EIF4G3: variants seen among roughly 807,000 people sequenced by gnomAD.
EIF4G3 encodes eukaryotic translation initiation factor 4 gamma 3.
In EIF4G3, 34 loss-of-function variants were observed where a neutral mutation model predicts 186.4. The ratio of observed to expected loss-of-function variants is 0.18; its 90% CI spans 0.14 to 0.24. EIF4G3 has a LOEUF of 0.24. Ranked by LOEUF, EIF4G3 falls within the 10% of genes least tolerant of loss-of-function variation. The pLI, the probability that EIF4G3 is intolerant of heterozygous loss-of-function variation, is 1.00. For synonymous variants in EIF4G3, 673 were observed against 679.5 expected, an observed-to-expected ratio of 0.99 and a Z score of 0.15; for missense variants, 1,536 against 1,948.5, an observed-to-expected ratio of 0.79 and a Z score of 3.99.
chr1:21,135,341 A>C (rs2097220090), intron 2 of EIF4G3, among the ~76,000 whole-genome samples: 1 of 152,276 alleles, frequency 6.6e-6, no homozygotes, highest in East Asian at 1.9e-4. Flanking sequence ...CTCTACTAAA[A>C]ATACAAAATT....
At chr1:21,139,302 C>G (rs1255596894) in intron 2 of EIF4G3, among the ~76,000 whole-genome samples, 3 of 151,818 alleles carry the variant, frequency 2.0e-5, no homozygotes, top group African/African-American at 7.3e-5. Flanking sequence ...AAAATCTTAA[C>G]AAGAAGGCTG....
intron 3 of EIF4G3, among the ~76,000 whole-genome samples, chr1:21,059,869 G>A (rs960393526): frequency 2.6e-5 from 4 of 152,170 alleles, no homozygotes; most frequent in Non-Finnish European, 5.9e-5. Context: ...AAAAATAAAC[G>A]AATAAGAAAG....
intron 35 of EIF4G3, among the ~76,000 whole-genome samples, chr1:20,812,329 G>C (rs2059406105): frequency 6.6e-6 from 1 of 152,108 alleles, no homozygotes; most frequent in Non-Finnish European, 1.5e-5. Flanking sequence ...TCTTATGATG[G>C]TTCTATGGAT....
At chr1:21,072,644 C>G (rs2095478548) in intron 3 of EIF4G3, among the ~76,000 whole-genome samples, 1 of 152,114 alleles carries the variant, frequency 6.6e-6, no homozygotes, top group Admixed American at 6.5e-5. Flanking sequence ...CCTCGTGACC[C>G]GCCCGCCTCA....
chr1:20,872,296 CTT>C (rs5772921), intron 20 of EIF4G3, among the ~76,000 whole-genome samples: 77,622 of 148,322 alleles, frequency 0.52, 20,799 homozygotes, highest in East Asian at 0.83. Context: ...CTTTTTCACA[CTT>C]TTTTTTTTTT....
At chr1:20,847,727 T>G (rs1323180953) in intron 29 of EIF4G3, 1 of 466,560 alleles carries the variant, frequency 2.1e-6, no homozygotes, top group Non-Finnish European at 4.4e-6. Context: ...TCACAGTACA[T>G]CAGGTTTATT....
chr1:21,060,642 T>C (rs1269592710), intron 3 of EIF4G3, among the ~76,000 whole-genome samples: 2 of 152,146 alleles, frequency 1.3e-5, no homozygotes, highest in Non-Finnish European at 2.9e-5. Context: ...CAGGCCACAG[T>C]GGCTCACATC....
At chr1:21,174,282 T>C (rs970616301) in intron 2 of EIF4G3, among the ~76,000 whole-genome samples, 3 of 152,230 alleles carry the variant, frequency 2.0e-5, no homozygotes, top group African/African-American at 7.2e-5. Flanking sequence ...TTGTAACTAC[T>C]TGAATGTTGC....
chr1:21,081,636 ATTTTTT>A (rs566655576), intron 3 of EIF4G3, among the ~76,000 whole-genome samples: 7 of 122,770 alleles, frequency 5.7e-5, no homozygotes, highest in African/African-American at 1.5e-4. Flanking sequence ...GATGAGTCCA[ATTTTTT>A]TTTTTTTTTT....
At chr1:20,808,696 G>C (rs988637326) in intron 36 of EIF4G3, among the ~76,000 whole-genome samples, 1 of 151,932 alleles carries the variant, frequency 6.6e-6, no homozygotes, top group African/African-American at 2.4e-5. Context: ...AGAACAAGAG[G>C]TGATCATTCA....
chr1:21,158,709 C>T (rs913076765), intron 2 of EIF4G3, among the ~76,000 whole-genome samples: 2 of 151,372 alleles, frequency 1.3e-5, no homozygotes, highest in Admixed American at 6.6e-5. Context: ...TTGAGTCCAA[C>T]GGTGAGTATA....
At chr1:20,809,966 T>C (rs2058906747) in intron 36 of EIF4G3, among the ~76,000 whole-genome samples, 1 of 151,866 alleles carries the variant, frequency 6.6e-6, no homozygotes, top group African/African-American at 2.4e-5. Flanking sequence ...TACAAACATA[T>C]AACAAATTCA....
At chr1:21,092,865 AAT>A in intron 2 of EIF4G3, among the ~76,000 whole-genome samples, 1 of 152,234 alleles carries the variant, frequency 6.6e-6, no homozygotes, top group Non-Finnish European at 1.5e-5. Flanking sequence ...TTCCCTATTT[AAT>A]AAACGGTGCT....
chr1:20,981,331 A>G (rs2077921732), intron 8 of EIF4G3, 104 bp from the exon 9 acceptor site: 1 of 805,242 alleles, frequency 1.2e-6, no homozygotes, highest in African/African-American at 1.7e-5. Flanking sequence ...GGTCAACTTG[A>G]ATTACAAATA....
At chr1:20,811,070 C>T (rs908492262) in intron 35 of EIF4G3, among the ~76,000 whole-genome samples, 186 bp from the exon 36 acceptor site, 5 of 152,152 alleles carry the variant, frequency 3.3e-5, no homozygotes, top group African/African-American at 1.2e-4. Flanking sequence ...CTGTCTCAGC[C>T]TCCCAAGTTG....
intron 4 of EIF4G3, among the ~76,000 whole-genome samples, chr1:21,023,755 C>A (rs1333492004): frequency 6.7e-6 from 1 of 148,962 alleles, no homozygotes; most frequent in Non-Finnish European, 1.5e-5. Flanking sequence ...TGCCTGGCTG[C>A]CCAGTCTGGA....
At chr1:21,130,837 A>C (rs1174528524) in intron 2 of EIF4G3, among the ~76,000 whole-genome samples, 1 of 152,188 alleles carries the variant, frequency 6.6e-6, no homozygotes, top group East Asian at 1.9e-4. Context: ...TAATTTCAGG[A>C]AGAAAAATTA....
intron 10 of EIF4G3, 89 bp downstream of exon 10, chr1:20,980,245 T>C: frequency 1.2e-6 from 1 of 862,396 alleles, no homozygotes; most frequent in South Asian, 1.8e-5. Flanking sequence ...TTCTTACCAC[T>C]AAACCTCATT....
intron 29 of EIF4G3, among the ~76,000 whole-genome samples, chr1:20,843,371 G>C (rs899870749): frequency 2.6e-5 from 4 of 151,906 alleles, no homozygotes; most frequent in Non-Finnish European, 5.9e-5. Flanking sequence ...ACAAAAATTA[G>C]CCGTGTGTAG....
Sources: allele counts gnomAD v4.1 joint callset (sites outside exome capture counted in the v4.1 genomes callset), GRCh38; gene constraint gnomAD v4.1.1; transcripts MANE v1.5; gene names NCBI Gene and HGNC (gene_info 2026-07-23, HGNC 2026-07-21).